RELL1: variants seen among roughly 807,000 people sequenced by gnomAD.
RELL1 encodes the protein RELT-like protein 1.
Under a neutral mutation model 23.0 loss-of-function variants are expected in RELL1, and 10 were observed. The observed-to-expected ratio is 0.43, with a 90% CI of 0.27 to 0.74. RELL1 has a LOEUF of 0.74. Among genes scored for constraint, RELL1 ranks in the 30% least tolerant of loss-of-function variants. The pLI is 0.19. For synonymous variants in RELL1, 146 were observed against 146.8 expected, an observed-to-expected ratio of 0.99 and a Z score of 0.04; for missense variants, 315 against 364.4, an observed-to-expected ratio of 0.86 and a Z score of 1.10.
At chr4:37,669,366 G>T (rs573285918) in intron 1 of RELL1, among the ~76,000 whole-genome samples, 1 of 146,574 alleles carries the variant, frequency 6.8e-6, no homozygotes, top group Non-Finnish European at 1.5e-5. Flanking sequence ...AGGTGGGGGG[G>T]TCAGTCCCCG....
chr4:37,640,709 A>G (rs1273823851), intron 3 of RELL1, among the ~76,000 whole-genome samples: 3 of 152,102 alleles, frequency 2.0e-5, no homozygotes, highest in Admixed American at 6.5e-5. Context: ...TAATGACAAG[A>G]AAAAAGTCTG....
intron 6 of RELL1, among the ~76,000 whole-genome samples, chr4:37,618,061 A>G (rs1237184147): frequency 1.3e-5 from 2 of 152,330 alleles, no homozygotes; most frequent in East Asian, 3.9e-4. Flanking sequence ...TGCAGGGAGG[A>G]AGCTTAAACA....
In RELL1 at chr4:37,632,102, A is replaced by AAC. The variant is rs1553873505; in HGVS notation, c.681-580_681-579insGT. ...CAATAAGGAAAAAAAAAAAAAAAAA[A>AAC]AAAAAAACACCTCAGAGACTCGAAT... On this transcript the variant is annotated intron_variant, in intron 5 of 6. Coordinates refer to ENST00000454158, the MANE Select transcript of RELL1 (RefSeq NM_001085400.2). Among the ~76,000 whole-genome samples, 79 of 150,954 alleles carry AAC rather than the reference A, an allele frequency of 5.2e-4. 1 individual carries two copies. The highest frequency in any genetic ancestry group is 1.8e-3 in the African/African-American group (75 of 41,120).
intron 1 of RELL1, among the ~76,000 whole-genome samples, chr4:37,668,024 T>C (rs929056716): frequency 5.9e-5 from 9 of 152,196 alleles, no homozygotes; most frequent in African/African-American, 2.2e-4. Flanking sequence ...GGTCCCAGTT[T>C]TTATAAGAAA....
intron 6 of RELL1, among the ~76,000 whole-genome samples, chr4:37,629,766 C>G (rs1226392629): frequency 1.3e-5 from 2 of 152,184 alleles, no homozygotes; most frequent in African/African-American, 4.8e-5. Flanking sequence ...TCCAGAGCAC[C>G]TTCAACCCTC....
intron 5 of RELL1, among the ~76,000 whole-genome samples, chr4:37,632,306 G>C (rs936151984): frequency 1.3e-5 from 2 of 151,470 alleles, no homozygotes; most frequent in African/African-American, 4.9e-5. Context: ...CAAGTAGCTG[G>C]GATTACAGCC....
intron 6 of RELL1, among the ~76,000 whole-genome samples, chr4:37,619,308 G>A (rs1053963640): frequency 1.3e-5 from 2 of 151,440 alleles, no homozygotes; most frequent in African/African-American, 2.4e-5. Flanking sequence ...TTAGCCTCCC[G>A]AGTAGCTGGG....
At chr4:37,602,092 C>T (rs1719029927) in intron 6 of RELL1, among the ~76,000 whole-genome samples, 1 of 152,002 alleles carries the variant, frequency 6.6e-6, no homozygotes, top group South Asian at 2.1e-4. Context: ...TGGCCTGTGC[C>T]TGCAGTCCCA....
chr4:37,592,313 C>T lies in RELL1; in HGVS notation c.*4-1096G>A, dbSNP rs900022727. Among the ~76,000 whole-genome samples, 7 of 140,442 alleles carry T rather than the reference C, an allele frequency of 5.0e-5. No individual in the cohort carries two copies. The Admixed American group carries it at 5.3e-4, about 11-fold the overall frequency. 92.1% of individuals were successfully genotyped at this position (140,442 alleles called of 152,430 possible). On this transcript the variant is annotated intron_variant, in intron 6 of 6. Coordinates refer to the RELL1 transcript ENST00000314117. ...GAGAGGATTGCCAGGGCCAGGAATT[C>T]GAGACCAACCTGGGCAATTTAGCGA...
rs1215240304 is a variant in RELL1, at chr4:37,596,709, CATATATATATATATAT to C, written c.*4-5508_*4-5493del. 3.6e-4 allele frequency among the ~76,000 whole-genome samples: 6 copies of C among 16,734 alleles called. No homozygotes were observed. The East Asian group carries it at 9.1e-3, about 25-fold the overall frequency. The allele number at this position is 16,734 out of a possible 152,430, so 11.0% of individuals were successfully genotyped here. ...CTCTCTGTAAATAGACAAAACTGGG[CATATATATATATATAT>C]ATATATATATATTTTTTTTTTTTTT... On this transcript the variant is annotated intron_variant, in intron 6 of 6. Coordinates refer to the RELL1 transcript ENST00000314117.
At chr4:37,677,411 C>T (rs962224730) in intron 1 of RELL1, among the ~76,000 whole-genome samples, 2 of 152,232 alleles carry the variant, frequency 1.3e-5, no homozygotes, top group African/African-American at 2.4e-5. Flanking sequence ...CAGGACTCTG[C>T]TTCCTCCTCC....
chr4:37,631,403 G>A lies in RELL1; in HGVS notation c.801C>T (p.Arg267=). ...EVPATPVKRE[R]SGTE ...GGCTCACCTGCTACTCTGTGCCACT[G>A]CGTTCTCTCTTCACAGGTGTTGCCG... is the stretch of plus-strand genomic sequence containing the variant. The change falls in exon 6 of 7, where the codon CGC becomes CGT. Residue 267 remains arginine, a synonymous_variant. Transcript: ENST00000454158. 6.2e-7 allele frequency: 1 copy of A among 1,613,960 alleles called. No individual in the cohort carries two copies. Among genetic ancestry groups the A allele is most frequent in the Non-Finnish European group, 8.5e-7 (1 of 1,179,946 alleles).
chr4:37,618,170 G>A lies in RELL1; in HGVS notation c.*4-4828C>T, dbSNP rs180943228. On this transcript the variant is annotated intron_variant, in intron 6 of 6. Coordinates refer to ENST00000454158, the MANE Select transcript of RELL1 (RefSeq NM_001085400.2). ...TGTTTTTTTCATCTAATAATATACAGTAGATGCTCTGTGTCTGTACATATA... is the reference window on the plus strand; with the variant it reads ...TGTTTTTTTCATCTAATAATATACAATAGATGCTCTGTGTCTGTACATATA... Among the ~76,000 whole-genome samples the A allele has an allele frequency of 5.3e-5, 8 of 152,190 alleles. No individual in the cohort carries two copies. The East Asian group carries it at 1.3e-3, about 26-fold the overall frequency.
intron 6 of RELL1, among the ~76,000 whole-genome samples, chr4:37,615,603 C>G (rs1400048464): frequency 1.3e-5 from 2 of 152,160 alleles, no homozygotes; most frequent in African/African-American, 4.8e-5. Flanking sequence ...CACATGGGAC[C>G]ACACCACACT....
downstream of RELL1, chr4:37,590,172 T>C (rs6852908): frequency 1.9e-6 from 3 of 1,614,040 alleles, no homozygotes; most frequent in Non-Finnish European, 2.5e-6. Flanking sequence ...ACGACACTGA[T>C]AAATTAAAAG....
downstream of RELL1, chr4:37,590,315 G>A: frequency 1.2e-6 from 2 of 1,613,874 alleles, no homozygotes; most frequent in South Asian, 2.2e-5. Context: ...CTCCCACAGG[G>A]GGACGCTGGA....
intron 1 of RELL1, among the ~76,000 whole-genome samples, chr4:37,669,435 G>T (rs1721726416): frequency 6.6e-6 from 1 of 150,878 alleles, no homozygotes; most frequent in Admixed American, 6.6e-5. Flanking sequence ...CACCCGGCCA[G>T]CCACCCCGTC....
At chr4:37,622,817 T>TTC (rs1719813547) in intron 6 of RELL1, 1 of 450,666 alleles carries the variant, frequency 2.2e-6, no homozygotes, top group Non-Finnish European at 4.4e-6. Flanking sequence ...TTTTTTTTTT[T>TTC]TTCTGAGACA....
At chr4:37,682,354 G>A (rs2109319746) in intron 1 of RELL1, among the ~76,000 whole-genome samples, 1 of 152,230 alleles carries the variant, frequency 6.6e-6, no homozygotes, top group African/African-American at 2.4e-5. Context: ...GAAATTATTA[G>A]GAACCACTCA....
Sources: gnomAD v4.1 joint callset for allele counts (sites outside exome capture counted in the v4.1 genomes callset) on GRCh38, gnomAD v4.1.1 for gene constraint, MANE v1.5 for transcripts, NCBI Gene and HGNC (gene_info 2026-07-23, HGNC 2026-07-21) for gene names.